FAT3: variants seen among roughly 807,000 people sequenced by gnomAD.
FAT3 encodes FAT atypical cadherin 3, also known as protocadherin Fat 3.
A neutral mutation model predicts 310.2 loss-of-function variants in FAT3; 95 were observed. The ratio of observed to expected loss-of-function variants is 0.31; its 90% CI spans 0.26 to 0.36. The LOEUF is 0.36. FAT3 is among the 10% of genes least tolerant of loss of function. The pLI, the probability that FAT3 is intolerant of heterozygous loss-of-function variation, is 1.00. For synonymous variants in FAT3, 2,314 were observed against 2,192.9 expected, an observed-to-expected ratio of 1.06 and a Z score of -1.54; for missense variants, 5,408 against 5,715.6, an observed-to-expected ratio of 0.95 and a Z score of 1.74.
At chr11:92,740,832 AT>A (rs1419223270) in intron 4 of FAT3, among the ~76,000 whole-genome samples, 1 of 152,074 alleles carries the variant, frequency 6.6e-6, no homozygotes, top group Non-Finnish European at 1.5e-5. Context: ...CAGACTTTTC[AT>A]TTGATTGGTC....
chr11:92,729,840 AC>A (rs1591656858), intron 4 of FAT3, among the ~76,000 whole-genome samples: 1 of 152,256 alleles, frequency 6.6e-6, no homozygotes, highest in South Asian at 2.1e-4. Context: ...TTTAAAAAAA[AC>A]ATTTTTAAAC....
chr11:92,441,315 C>T (rs1057200869), intron 2 of FAT3, among the ~76,000 whole-genome samples: 25 of 152,104 alleles, frequency 1.6e-4, no homozygotes, highest in African/African-American at 6.0e-4. Context: ...ATCCATTTGC[C>T]TGACACAGAG....
In FAT3 at chr11:92,227,566, C is replaced by G. The variant is rs575897651; in HGVS notation, c.-18+2392C>G. On this transcript the variant is annotated intron_variant, in intron 1 of 27. Coordinates refer to ENST00000525166, the MANE Select transcript of FAT3 (RefSeq NM_001367949.2). ...TTCTTCTCCACCAGCAGACACTGAA[C>G]TTCTCTTCACATTTACTGAATGCTT... Among the ~76,000 whole-genome samples, 6 of 152,186 alleles carry G rather than the reference C, an allele frequency of 3.9e-5. No homozygotes were observed. The South Asian group carries it at 1.0e-3, about 26-fold the overall frequency.
chr11:92,478,948 C>CTTTCTTTCTTTCTTTCTTTTCTTTTCT, intron 2 of FAT3, among the ~76,000 whole-genome samples: 1 of 114,520 alleles, frequency 8.7e-6, no homozygotes, highest in Non-Finnish European at 1.7e-5. Flanking sequence ...TTCTTTCTTT[C>CTTTCTTTCTTTCTTTCTTTTCTTTTCT]TTTCTTTTCT....
At position 92,656,973 on chromosome 11, in the gene FAT3, CA is replaced by C. The variant is rs1319062360; in HGVS notation, c.3608-40410del. 9.2e-5 allele frequency among the ~76,000 whole-genome samples: 14 copies of C among 151,968 alleles called. No individual in the cohort carries two copies. In the East Asian group the frequency reaches 2.5e-3, roughly 27 times the overall value. ...AGTATGTGTGTTAGGGGAGGGGGTG[CA>C]GGGGTAAGGTGGGGTGGGGAGAAAC... On this transcript the variant is annotated intron_variant, in intron 3 of 27. Coordinates refer to ENST00000525166, the MANE Select transcript of FAT3 (RefSeq NM_001367949.2).
intron 9 of FAT3, among the ~76,000 whole-genome samples, chr11:92,794,105 T>A (rs1947106814): frequency 1.3e-5 from 2 of 152,146 alleles, no homozygotes; most frequent in South Asian, 4.1e-4. Context: ...TTTTTCTAGG[T>A]TTCCATGGAA....
At chr11:92,301,901 C>A (rs1947008003) in intron 1 of FAT3, among the ~76,000 whole-genome samples, 1 of 152,016 alleles carries the variant, frequency 6.6e-6, no homozygotes, top group Non-Finnish European at 1.5e-5. Context: ...TTGAGGGGCC[C>A]TGAATCATTC....
chr11:92,500,223 T>A (rs1430208123), intron 2 of FAT3, among the ~76,000 whole-genome samples: 1 of 152,028 alleles, frequency 6.6e-6, no homozygotes, highest in Non-Finnish European at 1.5e-5. Context: ...CCTTTAAGGA[T>A]GAATTCCAAA....
At chr11:92,773,044 T>C (rs1175306044) in intron 6 of FAT3, among the ~76,000 whole-genome samples, 1 of 152,134 alleles carries the variant, frequency 6.6e-6, no homozygotes, top group Non-Finnish European at 1.5e-5. Context: ...GAGAACAAAA[T>C]CAACACCATG....
chr11:92,392,058 T>C (rs1949762785), intron 2 of FAT3, among the ~76,000 whole-genome samples: 1 of 152,104 alleles, frequency 6.6e-6, no homozygotes, highest in Admixed American at 6.5e-5. Context: ...CTATGATTTC[T>C]CCCATAAGAA....
At chr11:92,872,106 G>A (rs988972124) in intron 22 of FAT3, among the ~76,000 whole-genome samples, 9 of 152,328 alleles carry the variant, frequency 5.9e-5, no homozygotes, top group African/African-American at 1.9e-4. Context: ...TGTCAAGTTG[G>A]ATGAAACAAG....
intron 13 of FAT3, among the ~76,000 whole-genome samples, chr11:92,811,496 A>T (rs984664765): frequency 7.2e-5 from 11 of 152,230 alleles, no homozygotes; most frequent in African/African-American, 2.4e-4. Context: ...GTGGGGTGTT[A>T]CTGACTCACA....
intron 2 of FAT3, among the ~76,000 whole-genome samples, chr11:92,474,188 A>G (rs572670039): frequency 6.6e-6 from 1 of 152,266 alleles, no homozygotes; most frequent in South Asian, 2.1e-4. Flanking sequence ...ATGCAGTGCC[A>G]TTTTGCTTAA....
chr11:92,262,074 G>T (rs992740038), intron 1 of FAT3, among the ~76,000 whole-genome samples: 2 of 151,712 alleles, frequency 1.3e-5, no homozygotes, highest in Admixed American at 6.6e-5. Flanking sequence ...TACCATATTA[G>T]AAGAGGCTAC....
At chr11:92,522,030 C>A (rs1341524986) in intron 2 of FAT3, among the ~76,000 whole-genome samples, 1 of 152,094 alleles carries the variant, frequency 6.6e-6, no homozygotes, top group Non-Finnish European at 1.5e-5. Flanking sequence ...TCTGTTCCTC[C>A]AATGGCAGCA....
At chr11:92,289,493 T>C (rs974523887) in intron 1 of FAT3, among the ~76,000 whole-genome samples, 1 of 128,926 alleles carries the variant, frequency 7.8e-6, no homozygotes, top group South Asian at 2.5e-4. Flanking sequence ...GGAGTCTCCA[T>C]GATAGATACA....
At chr11:92,522,734 T>C (rs1177235835) in intron 2 of FAT3, among the ~76,000 whole-genome samples, 1 of 152,176 alleles carries the variant, frequency 6.6e-6, no homozygotes, top group African/African-American at 2.4e-5. Flanking sequence ...ACAAACTGTC[T>C]TTGTGTCCTA....
At chr11:92,542,407 T>G (rs1473921523) in intron 3 of FAT3, among the ~76,000 whole-genome samples, 1 of 151,654 alleles carries the variant, frequency 6.6e-6, no homozygotes, top group Non-Finnish European at 1.5e-5. Context: ...TTAAAGAATG[T>G]GAGAAAATAT....
intron 1 of FAT3, among the ~76,000 whole-genome samples, chr11:92,279,799 A>G (rs1172382242): frequency 1.3e-5 from 2 of 152,130 alleles, no homozygotes; most frequent in African/African-American, 4.8e-5. Flanking sequence ...TTCTGACTGT[A>G]TATTTGTACC....
Sources: allele counts gnomAD v4.1 joint callset (sites outside exome capture counted in the v4.1 genomes callset), GRCh38; gene constraint gnomAD v4.1.1; transcripts MANE v1.5; gene names NCBI Gene and HGNC (gene_info 2026-07-23, HGNC 2026-07-21).